HCN1: variants seen among roughly 807,000 people sequenced by gnomAD.
HCN1 encodes the protein potassium/sodium hyperpolarization-activated cyclic nucleotide-gated channel 1.
A neutral mutation model predicts 78.9 loss-of-function variants in HCN1; 13 were observed. The observed-to-expected ratio is 0.16, with a 90% CI of 0.11 to 0.26. The LOEUF (loss-of-function observed/expected upper bound fraction) is 0.26. HCN1 is among the 10% of genes least tolerant of loss of function. The pLI is 1.00. For synonymous variants in HCN1, 552 were observed against 455.5 expected, an observed-to-expected ratio of 1.21 and a Z score of -2.70; for missense variants, 810 against 1,154.3, an observed-to-expected ratio of 0.70 and a Z score of 4.32.
rs185427193 is a variant in HCN1, at chr5:45,430,426, T to A, written c.1011+31420A>T. ...AACAGATAGGTAGTTTTTTTTTTTTTATTCTCTCCCTTCTCCCACCCTCCA... is the reference window on the plus strand; with the variant it reads ...AACAGATAGGTAGTTTTTTTTTTTTAATTCTCTCCCTTCTCCCACCCTCCA... On this transcript the variant is annotated intron_variant, in intron 3 of 7. Coordinates refer to ENST00000303230, the MANE Select transcript of HCN1 (RefSeq NM_021072.4). 2.8e-3 allele frequency among the ~76,000 whole-genome samples: 428 copies of A among 152,000 alleles called. 1 individual carries two copies. Among genetic ancestry groups the A allele is most frequent in the Non-Finnish European group, 5.2e-3 (350 of 67,932 alleles).
At chr5:45,299,557 A>G (rs916632392) in intron 6 of HCN1, among the ~76,000 whole-genome samples, 3 of 151,864 alleles carry the variant, frequency 2.0e-5, no homozygotes, top group African/African-American at 7.2e-5. Context: ...TTGGCATCAA[A>G]TTTTTTTAAA....
At chr5:45,346,438 C>T (rs1214650120) in intron 5 of HCN1, among the ~76,000 whole-genome samples, 2 of 152,182 alleles carry the variant, frequency 1.3e-5, no homozygotes, top group Non-Finnish European at 2.9e-5. Context: ...GTGAGTGACA[C>T]AGAAGATGGG....
At chr5:45,685,089 C>A (rs996565174) in intron 1 of HCN1, among the ~76,000 whole-genome samples, 9 of 152,068 alleles carry the variant, frequency 5.9e-5, no homozygotes, top group African/African-American at 2.2e-4. Flanking sequence ...TTCTCAAATT[C>A]TTTTACGTTC....
At chr5:45,428,997 C>A (rs1262041984) in intron 3 of HCN1, among the ~76,000 whole-genome samples, 1 of 152,016 alleles carries the variant, frequency 6.6e-6, no homozygotes, top group African/African-American at 2.4e-5. Flanking sequence ...TAATGTTAGC[C>A]AGGAACTTGA....
At chr5:45,467,359 T>C (rs1741294391) in intron 2 of HCN1, among the ~76,000 whole-genome samples, 1 of 152,138 alleles carries the variant, frequency 6.6e-6, no homozygotes, top group Non-Finnish European at 1.5e-5. Context: ...TAAAAAATTA[T>C]TTTCTTAATG....
At chr5:45,644,132 C>G (rs1745503242) in intron 2 of HCN1, 1 of 152,070 alleles carries the variant, frequency 6.6e-6, no homozygotes, top group African/African-American at 2.4e-5. Context: ...AGAAATCAAA[C>G]AGAACTTCCA....
At position 45,378,491 on chromosome 5, in the gene HCN1, C is replaced by T. The variant is rs557271836; in HGVS notation, c.1230+18001G>A. Among the ~76,000 whole-genome samples the T allele has an allele frequency of 3.3e-5, 5 of 152,152 alleles. No individual in the cohort carries two copies. The South Asian group carries it at 6.2e-4, about 19-fold the overall frequency. On this transcript the variant is annotated intron_variant, in intron 4 of 7. Coordinates refer to ENST00000303230, the MANE Select transcript of HCN1 (RefSeq NM_021072.4). ...GAGCCAGGCAACATCAGAATATATT[C>T]TCTACCTCTAACTGGAAAATTTAAG...
chr5:45,304,195 T>C (rs933182264), intron 5 of HCN1, among the ~76,000 whole-genome samples: 1 of 152,110 alleles, frequency 6.6e-6, no homozygotes, highest in Non-Finnish European at 1.5e-5. Flanking sequence ...TTATCTTTTA[T>C]TTACGAAGAA....
At chr5:45,383,445 C>A (rs1282707428) in intron 4 of HCN1, among the ~76,000 whole-genome samples, 1 of 152,096 alleles carries the variant, frequency 6.6e-6, no homozygotes, top group African/African-American at 2.4e-5. Flanking sequence ...CCTGTAATCC[C>A]AGAATTTTGG....
intron 3 of HCN1, among the ~76,000 whole-genome samples, chr5:45,442,808 C>A (rs1740705955): frequency 6.6e-6 from 1 of 151,966 alleles, no homozygotes; most frequent in Non-Finnish European, 1.5e-5. Flanking sequence ...CTAATTCATA[C>A]ATCTATATTA....
chr5:45,308,189 C>A (rs1745775168), intron 5 of HCN1, among the ~76,000 whole-genome samples: 1 of 152,068 alleles, frequency 6.6e-6, no homozygotes, highest in South Asian at 2.1e-4. Context: ...GGCTCCCCTT[C>A]CCCTTCCACC....
chr5:45,523,303 G>A (rs1742654412), intron 2 of HCN1, among the ~76,000 whole-genome samples: 1 of 152,002 alleles, frequency 6.6e-6, no homozygotes, highest in African/African-American at 2.4e-5. Context: ...ATTGTGAATA[G>A]TGCCACAATA....
Position 45,258,044 on chromosome 5 carries a change from G to T in HCN1, c.*3877C>A, listed in dbSNP as rs547640856. The T allele has an allele frequency of 6.6e-6, 1 of 152,164 alleles. No individual in the cohort carries two copies. The highest frequency in any genetic ancestry group is 1.9e-4 in the East Asian group (1 of 5,168). The allele number at this position is 152,164 out of a possible 1,614,324, so 9.4% of individuals were successfully genotyped here. A position where few individuals can be genotyped will look rare whatever the true frequency, so the allele number is the denominator to read the frequency against. ...TAACCACATGGGTTTTATGGCACAT[G>T]TTCTAAAAAGATAAAGATATAATGG... On this transcript the variant is annotated 3_prime_UTR_variant, in exon 8 of 8. Transcript: ENST00000303230.
intron 1 of HCN1, among the ~76,000 whole-genome samples, chr5:45,680,595 T>A (rs1739684565): frequency 1.3e-5 from 2 of 152,126 alleles, no homozygotes; most frequent in Non-Finnish European, 1.5e-5. Context: ...TGCATTAAGT[T>A]TTTTTGCCTC....
rs578036323 is a variant in HCN1 at position 45,381,243 on chromosome 5, T to A, written c.1230+15249A>T. ...TTTTGTAAAAATCATTCTGAGAAGTTCTTTGAACCAGCAGAAACCTATCCT... is the reference window on the plus strand; with the variant it reads ...TTTTGTAAAAATCATTCTGAGAAGTACTTTGAACCAGCAGAAACCTATCCT... On this transcript the variant is annotated intron_variant, in intron 4 of 7. Transcript: ENST00000303230. 1.7e-3 allele frequency among the ~76,000 whole-genome samples: 258 copies of A among 152,230 alleles called. 1 individual carries two copies. Among genetic ancestry groups the A allele is most frequent in the Non-Finnish European group, 2.5e-3 (168 of 67,996 alleles).
chr5:45,272,869 G>A (rs2111855606), intron 6 of HCN1, among the ~76,000 whole-genome samples: 1 of 151,930 alleles, frequency 6.6e-6, no homozygotes, highest in South Asian at 2.1e-4. Context: ...AAATAAAATT[G>A]GACTCCCAAA....
In HCN1 at chr5:45,423,048, T is replaced by C. The variant is rs535968183; in HGVS notation, c.1012-26338A>G. Among the ~76,000 whole-genome samples, 9 of 152,250 alleles carry C rather than the reference T, an allele frequency of 5.9e-5. No individual in the cohort carries two copies. The South Asian group carries it at 1.5e-3, about 25-fold the overall frequency. On this transcript the variant is annotated intron_variant, in intron 3 of 7. Coordinates refer to ENST00000303230, the MANE Select transcript of HCN1 (RefSeq NM_021072.4). ...AAATAACTAAAAGCTTTGAGTACAA[T>C]TGGAATGTTCCTAACACAAAGATAA...
intron 3 of HCN1, among the ~76,000 whole-genome samples, chr5:45,401,490 T>G (rs2112045430): frequency 6.6e-6 from 1 of 152,276 alleles, no homozygotes; most frequent in South Asian, 2.1e-4. Flanking sequence ...ATATTTCAAT[T>G]AGTTTATGTA....
chr5:45,544,713 T>G (rs1181638733), intron 2 of HCN1, among the ~76,000 whole-genome samples: 11 of 151,850 alleles, frequency 7.2e-5, no homozygotes. Flanking sequence ...TGGTTTTCTG[T>G]CCTTGCGATA....
Sources: gnomAD v4.1 joint callset for allele counts (sites outside exome capture counted in the v4.1 genomes callset) on GRCh38, gnomAD v4.1.1 for gene constraint, MANE v1.5 for transcripts, NCBI Gene and HGNC (gene_info 2026-07-23, HGNC 2026-07-21) for gene names.